Variants in DPP6 observed in about 807,000 individuals in gnomAD.
DPP6 encodes dipeptidyl peptidase like 6.
Under a neutral mutation model 122.6 loss-of-function variants are expected in DPP6, and 69 were observed. The observed-to-expected ratio is 0.56, with a 90% confidence interval of 0.46 to 0.69. The LOEUF is 0.69. DPP6 is among the 30% of genes least tolerant of loss of function. The pLI, the probability that DPP6 is intolerant of heterozygous loss-of-function variation, is 0.00. For missense variants in DPP6, 928 were observed against 1,116.9 expected (o/e 0.83, Z 2.41); for synonymous variants, 418 against 433.1 (o/e 0.97, Z 0.43).
chr7:154,782,869 C>T (rs1486357762), intron 10 of DPP6, among the ~76,000 whole-genome samples: 12 of 151,972 alleles, frequency 7.9e-5, no homozygotes, highest in African/African-American at 2.4e-4. Flanking sequence ...CTGCAACCTC[C>T]GCCTCCCGGG....
At chr7:154,035,050 T>A (rs1402826973) in intron 1 of DPP6, among the ~76,000 whole-genome samples, 2 of 151,976 alleles carry the variant, frequency 1.3e-5, no homozygotes, top group Non-Finnish European at 2.9e-5. Context: ...ATTCTCCCCA[T>A]CCGACCCTGA....
At chr7:154,274,018 C>T (rs1023268742) in intron 1 of DPP6, among the ~76,000 whole-genome samples, 1 of 152,198 alleles carries the variant, frequency 6.6e-6, no homozygotes, top group East Asian at 1.9e-4. Context: ...ACAACAGTGT[C>T]TTGTTGAGGG....
At chr7:153,819,033 A>G in the DPP6 span, among the ~76,000 whole-genome samples, 3 of 127,884 alleles carry the variant, frequency 2.3e-5, no homozygotes, top group African/African-American at 3.2e-5. Flanking sequence ...TACAGGCATG[A>G]GCCACCGCGC....
chr7:154,234,373 G>A (rs1801080996), intron 1 of DPP6, among the ~76,000 whole-genome samples: 1 of 152,170 alleles, frequency 6.6e-6, no homozygotes, highest in South Asian at 2.1e-4. Context: ...GTGTTTCCCA[G>A]AAAATTCCAA....
chr7:154,711,464 TG>T (rs1429732064), intron 7 of DPP6, among the ~76,000 whole-genome samples: 1 of 152,250 alleles, frequency 6.6e-6, no homozygotes, highest in East Asian at 1.9e-4. Context: ...TATCTTTTAC[TG>T]ATGTAAATAT....
the DPP6 span, among the ~76,000 whole-genome samples, chr7:153,813,968 A>AG: frequency 4.6e-5 from 7 of 152,062 alleles, no homozygotes; most frequent in African/African-American, 1.7e-4. Flanking sequence ...CCCATTCTGT[A>AG]GGTTGCCTGT....
intron 1 of DPP6, among the ~76,000 whole-genome samples, chr7:154,402,745 T>C (rs1815743257): frequency 6.6e-6 from 1 of 150,750 alleles, no homozygotes; most frequent in Non-Finnish European, 1.5e-5. Context: ...ACTTAAAGTA[T>C]AATACTAATA....
At chr7:154,018,187 T>TA (rs930966182) in intron 1 of DPP6, among the ~76,000 whole-genome samples, 84 of 151,936 alleles carry the variant, frequency 5.5e-4, no homozygotes, top group African/African-American at 2.0e-3. Flanking sequence ...TGACCTGAAA[T>TA]ACGCTGTCCC....
chr7:153,811,866 T>C, the DPP6 span, among the ~76,000 whole-genome samples: 2 of 152,122 alleles, frequency 1.3e-5, no homozygotes, highest in East Asian at 1.9e-4. Context: ...GATGAGATTT[T>C]ATAGCATCTT....
chr7:153,908,843 T>C (rs1799956797), intron 1 of DPP6, among the ~76,000 whole-genome samples: 1 of 152,142 alleles, frequency 6.6e-6, no homozygotes, highest in Admixed American at 6.5e-5. Context: ...AACCTCCGCC[T>C]CCCAGATTCA....
chr7:154,796,159 A>T (rs1001398086), intron 12 of DPP6: 7 of 455,400 alleles, frequency 1.5e-5, no homozygotes, highest in Non-Finnish European at 2.7e-5. Context: ...GCTTGCAGTT[A>T]GATGCCAGCA....
intron 4 of DPP6, among the ~76,000 whole-genome samples, chr7:154,559,357 A>G (rs545468264): frequency 6.6e-6 from 1 of 151,906 alleles, no homozygotes; most frequent in South Asian, 2.1e-4. Context: ...GAAAAAAAAA[A>G]AAGCCTGAAC....
At chr7:154,578,021 T>A (rs1459312999) in intron 5 of DPP6, among the ~76,000 whole-genome samples, 4 of 152,208 alleles carry the variant, frequency 2.6e-5, no homozygotes, top group African/African-American at 9.7e-5. Flanking sequence ...CTCCAACTGC[T>A]GTGGAGAAGA....
chr7:154,572,505 CTTTTCTTT>C (rs1831176535), intron 5 of DPP6, among the ~76,000 whole-genome samples: 1 of 84,256 alleles, frequency 1.2e-5, no homozygotes, highest in African/African-American at 4.4e-5. Flanking sequence ...CTTTTTTTTT[CTTTTCTTT>C]TTTTTTTTTT....
At chr7:154,105,541 T>C (rs553725489) in intron 1 of DPP6, among the ~76,000 whole-genome samples, 6 of 152,290 alleles carry the variant, frequency 3.9e-5, no homozygotes, top group East Asian at 3.9e-4. Flanking sequence ...TCAGGTGATA[T>C]GGTTTAGCTG....
intron 4 of DPP6, among the ~76,000 whole-genome samples, chr7:154,560,760 G>A (rs148978231): frequency 1.3e-3 from 201 of 151,962 alleles, no homozygotes; most frequent in Non-Finnish European, 2.3e-3. Context: ...GTGGGCGCCT[G>A]TTATCCCAGC....
chr7:154,675,560 G>GTACTTT, intron 7 of DPP6, among the ~76,000 whole-genome samples: 1 of 152,248 alleles, frequency 6.6e-6, no homozygotes, highest in East Asian at 1.9e-4. Flanking sequence ...TGCCGTGCAT[G>GTACTTT]TACTTTCCTG....
At chr7:154,784,955 G>A (rs937335459) in intron 10 of DPP6, among the ~76,000 whole-genome samples, 3 of 151,810 alleles carry the variant, frequency 2.0e-5, no homozygotes, top group African/African-American at 4.8e-5. Flanking sequence ...TGAGGAGCTT[G>A]AAAAAAAATA....
chr7:153,801,412 A>G, the DPP6 span, among the ~76,000 whole-genome samples: 1 of 152,058 alleles, frequency 6.6e-6, no homozygotes, highest in Non-Finnish European at 1.5e-5. Context: ...TTCAAACCTC[A>G]TCAGTCCTCG....
Sources: gnomAD v4.1 joint callset for allele counts (sites outside exome capture counted in the v4.1 genomes callset) on GRCh38, gnomAD v4.1.1 for gene constraint, MANE v1.5 for transcripts, NCBI Gene and HGNC (gene_info 2026-07-23, HGNC 2026-07-21) for gene names.